Variants in CTIF observed in about 807,000 individuals in gnomAD.
The protein encoded by CTIF is CBP80/20-dependent translation initiation factor.
A neutral mutation model predicts 66.0 loss-of-function variants in CTIF; 21 were observed. The ratio of observed to expected loss-of-function variants is 0.32; its 90% CI spans 0.23 to 0.46. The LOEUF (loss-of-function observed/expected upper bound fraction) is 0.46. Among genes scored for constraint, CTIF ranks in the 20% least tolerant of loss-of-function variants. The pLI is 1.00. For synonymous variants in CTIF, 345 were observed against 326.4 expected, an observed-to-expected ratio of 1.06 and a Z score of -0.62; for missense variants, 739 against 812.7, an observed-to-expected ratio of 0.91 and a Z score of 1.10.
intron 1 of CTIF, among the ~76,000 whole-genome samples, chr18:48,611,602 G>A (rs2090308741): frequency 6.6e-6 from 1 of 152,224 alleles, no homozygotes; most frequent in Non-Finnish European, 1.5e-5. Flanking sequence ...CCTCACCTGG[G>A]AGCGTGTTAG....
chr18:48,595,694 T>G (rs1480220438), intron 1 of CTIF, among the ~76,000 whole-genome samples: 1 of 152,230 alleles, frequency 6.6e-6, no homozygotes, highest in Non-Finnish European at 1.5e-5. Flanking sequence ...CCCAAAGTGC[T>G]GTGCCCAGCC....
In CTIF at chr18:48,859,752, C is replaced by G; in HGVS notation, c.*193C>G. 1.4e-6 allele frequency: 1 copy of G among 699,422 alleles called. No individual in the cohort carries two copies. The highest frequency in any genetic ancestry group is 2.6e-6 in the Non-Finnish European group (1 of 383,778). 43.3% of individuals were successfully genotyped at this position (699,422 alleles called of 1,614,324 possible). A position where few individuals can be genotyped will look rare whatever the true frequency, so the allele number is the denominator to read the frequency against. ...CTGAGAGGAGTGCCCCCGCACAAGC[C>G]CCCCAGCCCGAGCATGCAAGCTCAC... On this transcript the variant is annotated 3_prime_UTR_variant, in exon 12 of 12. Transcript: ENST00000256413.
In CTIF at chr18:48,640,871, AC is replaced by A. The variant is rs112740640; in HGVS notation, c.252+4189del. Among the ~76,000 whole-genome samples the A allele has an allele frequency of 1.6e-3, 242 of 152,320 alleles. 1 individual carries two copies. Among genetic ancestry groups the A allele is most frequent in the African/African-American group, 5.7e-3 (238 of 41,568 alleles). The stretch of plus-strand genomic sequence containing the variant: ...AAAAAGAAAACCTTGCTTTTTCTGA[AC>A]CCTTTCAGAGGCAGAAAGTGGGGGC... On this transcript the variant is annotated intron_variant, in intron 3 of 11. Transcript: ENST00000256413.
intron 7 of CTIF, among the ~76,000 whole-genome samples, chr18:48,722,743 C>T (rs2092351672): frequency 6.6e-6 from 1 of 152,086 alleles, no homozygotes; most frequent in Admixed American, 6.5e-5. Context: ...CCCATCAGCG[C>T]TCACAGGTGT....
At chr18:48,748,703 C>G (rs760259831) in intron 7 of CTIF, among the ~76,000 whole-genome samples, 4 of 152,216 alleles carry the variant, frequency 2.6e-5, no homozygotes, top group Admixed American at 6.5e-5. Flanking sequence ...AAGTTTTTAC[C>G]ACATCAGGCT....
rs573054439 is a variant in CTIF, at chr18:48,657,868, G to C, written c.253-5884G>C. ...CCCTTGAGAGGCAAGTCCAACGCTT[G>C]CCTGGGATGAGCCGAGCTTGGGTCC... On this transcript the variant is annotated intron_variant, in intron 3 of 11. Transcript: ENST00000256413. 2.3e-4 allele frequency among the ~76,000 whole-genome samples: 35 copies of C among 152,324 alleles called. 1 individual carries two copies. In the South Asian group the frequency reaches 6.0e-3, roughly 26 times the overall value.
chr18:48,593,046 C>G (rs973676469), intron 1 of CTIF, among the ~76,000 whole-genome samples: 6 of 152,178 alleles, frequency 3.9e-5, no homozygotes, highest in African/African-American at 1.4e-4. Context: ...TTAGAGGATG[C>G]CTGTGAAGTT....
At chr18:48,554,269 C>T (rs1429445780) in intron 1 of CTIF, among the ~76,000 whole-genome samples, 2 of 152,180 alleles carry the variant, frequency 1.3e-5, no homozygotes, top group Non-Finnish European at 2.9e-5. Context: ...TGGCCAAGTT[C>T]GCATACCAGG....
At chr18:48,733,741 T>C (rs999813926) in intron 7 of CTIF, among the ~76,000 whole-genome samples, 1 of 152,080 alleles carries the variant, frequency 6.6e-6, no homozygotes, top group African/African-American at 2.4e-5. Flanking sequence ...GGCCAAGAGG[T>C]CAGCTTCAGG....
At chr18:48,789,833 G>A (rs1056920710) in intron 9 of CTIF, among the ~76,000 whole-genome samples, 2 of 152,216 alleles carry the variant, frequency 1.3e-5, no homozygotes, top group African/African-American at 4.8e-5. Flanking sequence ...GACTAGTGGG[G>A]AAGACTAATA....
chr18:48,729,050 T>G (rs1421548402), intron 7 of CTIF, among the ~76,000 whole-genome samples: 1 of 152,208 alleles, frequency 6.6e-6, no homozygotes, highest in African/African-American at 2.4e-5. Context: ...TTCAAACCTC[T>G]CTACAAATGC....
At chr18:48,744,860 T>C (rs1438201888) in intron 7 of CTIF, among the ~76,000 whole-genome samples, 1 of 151,500 alleles carries the variant, frequency 6.6e-6, no homozygotes, top group Non-Finnish European at 1.5e-5. Flanking sequence ...TCTCACGCTG[T>C]TGCCCAGGCT....
chr18:48,547,565 G>A (rs931143743), intron 1 of CTIF, among the ~76,000 whole-genome samples: 4 of 152,194 alleles, frequency 2.6e-5, no homozygotes, highest in African/African-American at 4.8e-5. Flanking sequence ...TGGAGGCAGC[G>A]CCTTCCCTTA....
intron 7 of CTIF, among the ~76,000 whole-genome samples, chr18:48,751,438 C>G (rs1907803318): frequency 6.6e-6 from 1 of 152,190 alleles, no homozygotes; most frequent in Non-Finnish European, 1.5e-5. Context: ...ATCTGTCTCT[C>G]CAAATGGACC....
intron 10 of CTIF, among the ~76,000 whole-genome samples, chr18:48,820,369 T>G (rs1055078789): frequency 1.3e-5 from 2 of 152,140 alleles, no homozygotes; most frequent in Non-Finnish European, 2.9e-5. Flanking sequence ...TATGGAAGTT[T>G]CCAGAGCCAA....
At position 48,691,707 on chromosome 18, in the gene CTIF, C is replaced by T. The variant is rs9956238; in HGVS notation, c.508-19912C>T. Reference sequence around the variant, plus strand: ...ATTGTCCAAGCATCTTTGCTCACTCCTGTCTCCCCTTTCCCTCTCCCTCCC... The same window carrying T: ...ATTGTCCAAGCATCTTTGCTCACTCTTGTCTCCCCTTTCCCTCTCCCTCCC... On this transcript the variant is annotated intron_variant, in intron 6 of 11. Transcript: ENST00000256413. Among the ~76,000 whole-genome samples the T allele has an allele frequency of 1.4e-3, 211 of 152,284 alleles. 1 individual carries two copies. The highest frequency in any genetic ancestry group is 4.9e-3 in the African/African-American group (203 of 41,558).
At chr18:48,559,553 A>G (rs2089104585) in intron 1 of CTIF, among the ~76,000 whole-genome samples, 2 of 152,218 alleles carry the variant, frequency 1.3e-5, no homozygotes, top group Non-Finnish European at 2.9e-5. Flanking sequence ...ATGAGTCTGT[A>G]ATTTGGGCAG....
intron 3 of CTIF, among the ~76,000 whole-genome samples, chr18:48,654,101 G>C (rs780331442): frequency 6.6e-6 from 1 of 152,174 alleles, no homozygotes; most frequent in African/African-American, 2.4e-5. Context: ...AAAAGTGATG[G>C]CAACAAAAGC....
chr18:48,743,276 C>G (rs2092570015), intron 7 of CTIF, among the ~76,000 whole-genome samples: 1 of 152,214 alleles, frequency 6.6e-6, no homozygotes, highest in Admixed American at 6.5e-5. Flanking sequence ...CACACGGAGC[C>G]AAGGCCCTCC....
Sources: allele counts gnomAD v4.1 joint callset (sites outside exome capture counted in the v4.1 genomes callset), GRCh38; gene constraint gnomAD v4.1.1; transcripts MANE v1.5; gene names NCBI Gene and HGNC (gene_info 2026-07-23, HGNC 2026-07-21).